The following TFRC variants were observed in gnomAD, a reference collection of about 807,000 sequenced individuals.
TFRC encodes transferrin receptor protein 1.
In TFRC, 35 loss-of-function variants were observed where a neutral mutation model predicts 85.8. That is an observed-to-expected ratio of 0.41 (90% CI 0.31 to 0.54). The LOEUF is 0.54. Among genes scored for constraint, TFRC ranks in the 20% least tolerant of loss-of-function variants. The pLI is 0.31. For synonymous variants in TFRC, 362 were observed against 328.6 expected (o/e 1.10, Z -1.10); for missense variants, 828 against 921.5 (o/e 0.90, Z 1.31).
At chr3:196,060,270 T>A (rs76431186) in intron 13 of TFRC, 23 bp from the exon 14 acceptor site, 1 of 1,603,976 alleles carries the variant, frequency 6.2e-7, no homozygotes. Flanking sequence ...TGTTTTATCA[T>A]TGCCCCTTCT....
intron 4 of TFRC, 26 bp from the exon 5 acceptor site, chr3:196,072,178 G>A (rs1331243829): frequency 6.2e-7 from 1 of 1,606,288 alleles, no homozygotes; most frequent in Non-Finnish European, 8.5e-7. Flanking sequence ...CCTTTTAAAT[G>A]AACTTAAGTT....
intron 17 of TFRC, among the ~76,000 whole-genome samples, chr3:196,053,963 G>C (rs1204731656): frequency 1.3e-5 from 2 of 152,146 alleles, no homozygotes; most frequent in African/African-American, 4.8e-5. Flanking sequence ...GATGCCGGGC[G>C]TGGTGGCTCA....
At chr3:196,065,687 A>T (rs1474431612) in intron 9 of TFRC, 87 bp from the exon 10 acceptor site, 2 of 1,414,104 alleles carry the variant, frequency 1.4e-6, no homozygotes, top group African/African-American at 2.9e-5. Flanking sequence ...GATTAAGAGG[A>T]CATATAAACA....
rs1718002642 is a variant in TFRC, at chr3:196,069,388, A to G, written c.801+67T>C. 4 of 887,706 alleles carry G rather than the reference A, an allele frequency of 4.5e-6. No individual in the cohort carries two copies. The South Asian group carries it at 4.8e-5, about 11-fold the overall frequency. 55.0% of individuals were successfully genotyped at this position (887,706 alleles called of 1,614,324 possible). A position where few individuals can be genotyped will look rare whatever the true frequency, so the allele number is the denominator to read the frequency against. ...CAGAATGTAAGAATATTAACAAGAA[A>G]TATCACTTACCTGAAGAGTAAGATA... is the stretch of plus-strand genomic sequence containing the variant. On this transcript the variant is annotated intron_variant, in intron 7 of 18. Transcript: ENST00000360110.
rs538576953 is a variant in TFRC, at chr3:196,068,837, AG to A, written c.801+617del. On this transcript the variant is annotated intron_variant, in intron 7 of 18. Transcript: ENST00000360110. ...TCCCAGCTACTCAGAAGGCTGAGGC[AG>A]GAGCATCACTTGAACCTGGGAGGCG... Among the ~76,000 whole-genome samples the A allele has an allele frequency of 3.7e-3, 545 of 149,254 alleles. 5 individuals are homozygous for A. The highest frequency in any genetic ancestry group is 0.013 in the African/African-American group (529 of 40,774).
intron 12 of TFRC, 95 bp downstream of exon 12, chr3:196,062,759 A>C (rs1011609141): frequency 6.4e-7 from 1 of 1,558,038 alleles, no homozygotes; most frequent in Non-Finnish European, 8.8e-7. Context: ...GCAAAGGCAA[A>C]AGTGGTAAAA....
Position 196,068,085 on chromosome 3 carries a change from T to C in TFRC, c.847A>G (p.Met283Val), listed in dbSNP as rs200849218. The change falls in exon 8 of 19, where the codon ATG (methionine) becomes GTG (valine). Residue 283 changes from methionine to valine, a missense_variant. Coordinates refer to ENST00000360110, the MANE Select transcript of TFRC (RefSeq NM_001128148.3). ...ACAATGGGAAATTTAGTCTGGTCCATGTATATCAACACACCAATTGCATTT... is the reference window on the plus strand; with the variant it reads ...ACAATGGGAAATTTAGTCTGGTCCACGTATATCAACACACCAATTGCATTT... ...SLNAIGVLIY[M>V]DQTKFPIVNA... 23 of 1,613,662 alleles carry C rather than the reference T, an allele frequency of 1.4e-5. No homozygotes were observed. Among genetic ancestry groups the C allele is most frequent in the South Asian group, 2.2e-5 (2 of 90,902 alleles).
intron 10 of TFRC, among the ~76,000 whole-genome samples, chr3:196,065,222 A>ACTGCACTCC (rs1235960503): frequency 1.3e-5 from 2 of 151,194 alleles, no homozygotes; most frequent in African/African-American, 2.4e-5. Context: ...AGATCACACC[A>ACTGCACTCC]CTGCACTCCA....
chr3:196,069,515 G>A lies in TFRC; in HGVS notation c.741C>T (p.Tyr247=), dbSNP rs1577242092. The A allele has an allele frequency of 6.2e-6, 10 of 1,613,446 alleles. No homozygotes were observed. The highest frequency in any genetic ancestry group is 5.3e-5 in the African/African-American group (4 of 74,902). Residue 247 remains tyrosine, a synonymous_variant, in exon 7 of 19, where the codon TAC becomes TAT. Coordinates refer to ENST00000360110, the MANE Select transcript of TFRC (RefSeq NM_001128148.3). ...FGTKKDFEDL[Y]TPVNGSIVIV... is the part of the protein sequence containing the mutation. ...TCACTATAGATCCATTCACAGGAGTGTATAAATCCTCAAAATCTTTTTTAG... is the reference window on the plus strand; with the variant it reads ...TCACTATAGATCCATTCACAGGAGTATATAAATCCTCAAAATCTTTTTTAG...
chr3:196,071,486 C>G lies in TFRC; in HGVS notation c.597G>C (p.Ser199=). The change falls in exon 6 of 19, where the codon TCG becomes TCC. Residue 199 remains serine (S), a synonymous_variant. Transcript: ENST00000360110. ...TACCGTTCTTATCAACTATGATCAC[C>G]GAGTTTTGAGCGCTGTTAAAAAGAT... is the stretch of plus-strand genomic sequence containing the variant. ...KIQVKDSAQN[S]VIIVDKNGRL... 6.2e-7 allele frequency: 1 copy of G among 1,613,990 alleles called. No individual in the cohort carries two copies. The highest frequency in any genetic ancestry group is 1.1e-5 in the South Asian group (1 of 91,066).
chr3:196,055,673 C>A, intron 16 of TFRC: 2 of 301,066 alleles, frequency 6.6e-6, no homozygotes, highest in South Asian at 6.6e-5. Flanking sequence ...GAGACGAGGT[C>A]TCTCTGTCAC....
At chr3:196,074,169 T>C (rs759569050) in intron 3 of TFRC, 44 bp from the exon 4 acceptor site, 5 of 1,538,342 alleles carry the variant, frequency 3.3e-6, no homozygotes, top group Non-Finnish European at 4.4e-6. Flanking sequence ...ATTTCATTTG[T>C]AATCTATCCC....
chr3:196,074,273 G>T, intron 3 of TFRC, 148 bp from the exon 4 acceptor site: 1 of 658,192 alleles, frequency 1.5e-6, no homozygotes, highest in Non-Finnish European at 2.5e-6. Flanking sequence ...TCTCAGTTTT[G>T]TATACTTTAA....
chr3:196,052,274 T>G, intron 18 of TFRC, 90 bp from the exon 19 acceptor site: 2 of 1,267,286 alleles, frequency 1.6e-6, no homozygotes, highest in Non-Finnish European at 1.1e-6. Flanking sequence ...TGTCCCAAAT[T>G]TAAGAATGCC....
intron 8 of TFRC, 123 bp downstream of exon 8, chr3:196,067,909 A>T: frequency 1.2e-6 from 1 of 805,934 alleles, no homozygotes; most frequent in Non-Finnish European, 2.0e-6. Context: ...CTTCTTGCTT[A>T]CTGCTAACGC....
At chr3:196,061,709 C>T (rs1169092794) in intron 13 of TFRC, among the ~76,000 whole-genome samples, 2 of 152,236 alleles carry the variant, frequency 1.3e-5, no homozygotes, top group African/African-American at 2.4e-5. Flanking sequence ...AGGCTGGTCT[C>T]GAACTCCTGA....
rs41298079 is a variant in TFRC, at chr3:196,053,109, T to A, written c.2040+309A>T. ...AGCTTGGGCAACAACAGTGAAACTCTGTCTCAAAAAAAAAAAAAATTTTTT... is the reference window on the plus strand; with the variant it reads ...AGCTTGGGCAACAACAGTGAAACTCAGTCTCAAAAAAAAAAAAAATTTTTT... On this transcript the variant is annotated intron_variant, in intron 18 of 18. Coordinates refer to ENST00000360110, the MANE Select transcript of TFRC (RefSeq NM_001128148.3). 2.6e-3 allele frequency among the ~76,000 whole-genome samples: 382 copies of A among 148,320 alleles called. 3 individuals are homozygous for A. Among genetic ancestry groups the A allele is most frequent in the African/African-American group, 8.8e-3 (359 of 40,944 alleles).
intron 4 of TFRC, among the ~76,000 whole-genome samples, chr3:196,073,281 T>A: frequency 7.0e-6 from 1 of 142,050 alleles, no homozygotes; most frequent in South Asian, 2.3e-4. Flanking sequence ...ATGGTGAGAC[T>A]CCATCTCTTA....
rs1718318100 is a variant in TFRC, at chr3:196,072,772, C to A, written c.435-620G>T. ...GCAAAAAGGAAAAGATAAATTTATT[C>A]TTTGCACAGAGGCATGTATGTGCAA... On this transcript the variant is annotated intron_variant, in intron 4 of 18. Transcript: ENST00000360110. 3 of 149,834 alleles carry A rather than the reference C, an allele frequency of 2.0e-5. 1 individual carries two copies. In the South Asian group the frequency reaches 6.2e-4, roughly 31 times the overall value. The allele number at this position is 149,834 out of a possible 1,614,324, so 9.3% of individuals were successfully genotyped here. A position where few individuals can be genotyped will look rare whatever the true frequency, so the allele number is the denominator to read the frequency against.
Sources: allele counts gnomAD v4.1 joint callset (sites outside exome capture counted in the v4.1 genomes callset), GRCh38; gene constraint gnomAD v4.1.1; transcripts MANE v1.5; gene names NCBI Gene and HGNC (gene_info 2026-07-23, HGNC 2026-07-21).